The following ABI3BP variants were observed in gnomAD, a reference collection of about 807,000 sequenced individuals.
The protein encoded by ABI3BP is ABI family member 3 binding protein, also known as target of Nesh-SH3.
Under a neutral mutation model 268.6 loss-of-function variants are expected in ABI3BP, and 216 were observed. The ratio of observed to expected loss-of-function variants is 0.80; its 90% CI spans 0.72 to 0.90. The LOEUF (loss-of-function observed/expected upper bound fraction) is 0.90, where lower values mean the gene tolerates loss of function less well. ABI3BP is among the 40% of genes least tolerant of loss of function. ABI3BP has a pLI of 0.00. For missense variants in ABI3BP, 2,090 were observed against 2,182.4 expected (o/e 0.96, Z 0.84); for synonymous variants, 730 against 730.0 (o/e 1.00, Z 0.00).
At chr3:100,829,505 G>T (rs1579363526) in intron 33 of ABI3BP, 76 bp downstream of exon 33, 5 of 1,346,686 alleles carry the variant, frequency 3.7e-6, no homozygotes, top group Non-Finnish European at 5.1e-6. Context: ...TGCTGACCAT[G>T]CCCAGCTACT....
At chr3:100,910,426 A>G (rs2055831750) in intron 2 of ABI3BP, among the ~76,000 whole-genome samples, 1 of 152,170 alleles carries the variant, frequency 6.6e-6, no homozygotes, top group African/African-American at 2.4e-5. Context: ...AGGTAAAAAA[A>G]AAATTATCAG....
chr3:100,750,674 A>G, intron 67 of ABI3BP, 64 bp from the exon 68 acceptor site: 1 of 1,163,374 alleles, frequency 8.6e-7, no homozygotes, highest in Non-Finnish European at 1.3e-6. Flanking sequence ...CACAGCTCAT[A>G]GATTGAAGGA....
chr3:100,836,677 TA>T (rs2098596728), intron 27 of ABI3BP, among the ~76,000 whole-genome samples: 1 of 152,174 alleles, frequency 6.6e-6, no homozygotes, highest in Non-Finnish European at 1.5e-5. Flanking sequence ...TGCATATGAA[TA>T]ATGTGGAACA....
Position 100,839,829 on chromosome 3 carries a change from T to C in ABI3BP, c.1898-213A>G, listed in dbSNP as rs530314718. Among the ~76,000 whole-genome samples, 3 of 152,286 alleles carry C rather than the reference T, an allele frequency of 2.0e-5. No individual in the cohort carries two copies. The East Asian group carries it at 5.8e-4, about 29-fold the overall frequency. On this transcript the variant is annotated intron_variant, in intron 23 of 67. Coordinates refer to ENST00000471714, the MANE Select transcript of ABI3BP (RefSeq NM_001375547.2). ...TCATAAGATTTCAAGGTGCTTTACT[T>C]TAATAATTCACTTAATGGGCCAGCT...
At position 100,770,641 on chromosome 3, in the gene ABI3BP, C is replaced by T. The variant is rs115924492; in HGVS notation, c.4741+102G>A. The T allele has an allele frequency of 3.5e-6, 4 of 1,148,358 alleles. No homozygotes were observed. The African/African-American group carries it at 6.4e-5, about 18-fold the overall frequency. The allele number at this position is 1,148,358 out of a possible 1,614,324, so 71.1% of individuals were successfully genotyped here. ...AAAACTGCTAGTTTTGTCTCCTCCCCAGGTATGCTTCACATGTCAACGTTG... is the reference window on the plus strand; with the variant it reads ...AAAACTGCTAGTTTTGTCTCCTCCCTAGGTATGCTTCACATGTCAACGTTG... On this transcript the variant is annotated intron_variant, in intron 62 of 67. Coordinates refer to ENST00000471714, the MANE Select transcript of ABI3BP (RefSeq NM_001375547.2).
At chr3:100,901,749 G>C (rs1175921626) in intron 3 of ABI3BP, among the ~76,000 whole-genome samples, 1 of 150,160 alleles carries the variant, frequency 6.7e-6, no homozygotes, top group South Asian at 2.1e-4. Context: ...CTGGGCCACA[G>C]AGCAAGACTC....
At chr3:100,900,364 G>A (rs1267932619) in intron 3 of ABI3BP, among the ~76,000 whole-genome samples, 1 of 152,186 alleles carries the variant, frequency 6.6e-6, no homozygotes, top group Non-Finnish European at 1.5e-5. Flanking sequence ...GTGATGCAAC[G>A]ATCTCATTCA....
At position 100,753,859 on chromosome 3, in the gene ABI3BP, A is replaced by C; in HGVS notation, c.4931-11T>G. 6.2e-7 allele frequency: 1 copy of C among 1,606,824 alleles called. No homozygotes were observed. The highest frequency in any genetic ancestry group is 8.5e-7 in the Non-Finnish European group (1 of 1,176,688). ...TCACTCTTGGGTCCGCTGAGGAGAA[A>C]TAAATAGAAAAGTCAGACCTTACTA... On this transcript the variant is annotated splice_polypyrimidine_tract_variant and intron_variant, in intron 64 of 67. Transcript: ENST00000471714.
intron 62 of ABI3BP, among the ~76,000 whole-genome samples, chr3:100,770,516 TGAG>T (rs2096512885): frequency 6.6e-6 from 1 of 152,114 alleles, no homozygotes; most frequent in Admixed American, 6.5e-5. Context: ...GAATGCAGCT[TGAG>T]GAGATTTACT....
chr3:100,867,679 T>C (rs1206636047), intron 9 of ABI3BP, among the ~76,000 whole-genome samples: 1 of 148,738 alleles, frequency 6.7e-6, no homozygotes, highest in South Asian at 2.2e-4. Context: ...TCCGTTATTC[T>C]ACATGGTAAA....
intron 1 of ABI3BP, among the ~76,000 whole-genome samples, chr3:100,937,557 C>CTA (rs1158922412): frequency 6.6e-6 from 1 of 152,014 alleles, no homozygotes; most frequent in Non-Finnish European, 1.5e-5. Context: ...GTAGAACGGG[C>CTA]TATGACTTTC....
chr3:100,780,567 C>CA lies in ABI3BP; in HGVS notation c.4163-359dup, dbSNP rs773372963. ...ATATTCATCAGTACATTTTGTAATT[C>CA]AAAAAAAATTTTTTTCTTCCAATCC... On this transcript the variant is annotated intron_variant, in intron 57 of 67. Coordinates refer to ENST00000471714, the MANE Select transcript of ABI3BP (RefSeq NM_001375547.2). 7.1e-4 allele frequency among the ~76,000 whole-genome samples: 108 copies of CA among 151,788 alleles called. 1 individual carries two copies. The highest frequency in any genetic ancestry group is 1.0e-3 in the Non-Finnish European group (70 of 67,902).
intron 52 of ABI3BP, 26 bp downstream of exon 52, chr3:100,796,383 C>A: frequency 2.0e-6 from 3 of 1,537,514 alleles, no homozygotes; most frequent in South Asian, 2.6e-5. Context: ...TACTTCTTAG[C>A]CAGAAGGATG....
At chr3:100,889,109 C>T (rs1041805085) in intron 4 of ABI3BP, among the ~76,000 whole-genome samples, 7 of 152,018 alleles carry the variant, frequency 4.6e-5, no homozygotes, top group African/African-American at 7.2e-5. Context: ...CATTGCATAA[C>T]GCACCACTCC....
chr3:100,917,323 T>C (rs2058910904), intron 2 of ABI3BP, among the ~76,000 whole-genome samples: 1 of 152,174 alleles, frequency 6.6e-6, no homozygotes, highest in Admixed American at 6.5e-5. Context: ...GGCATAGCAC[T>C]TGGTATGACC....
chr3:100,952,609 T>A (rs2075473208), intron 1 of ABI3BP: 1 of 152,152 alleles, frequency 6.6e-6, no homozygotes, highest in African/African-American at 2.4e-5. Flanking sequence ...AATAGGTATT[T>A]TATAATTTAA....
intron 60 of ABI3BP, 105 bp downstream of exon 60, chr3:100,775,102 G>T: frequency 7.5e-7 from 1 of 1,331,652 alleles, no homozygotes; most frequent in Non-Finnish European, 1.0e-6. Context: ...ATAAAATGGA[G>T]TAAAATAGAA....
At chr3:100,838,563 G>A (rs1560642268) in intron 24 of ABI3BP, 99 bp from the exon 25 acceptor site, 14 of 1,018,012 alleles carry the variant, frequency 1.4e-5, no homozygotes, top group Non-Finnish European at 1.9e-5. Flanking sequence ...TAAATTCAAC[G>A]AATCTATAAA....
chr3:100,794,363 C>T (rs955484148), intron 54 of ABI3BP, among the ~76,000 whole-genome samples: 2 of 151,868 alleles, frequency 1.3e-5, no homozygotes, highest in Non-Finnish European at 2.9e-5. Context: ...AGTAATAGAA[C>T]TTACTTCACA....
Sources: allele counts gnomAD v4.1 joint callset (sites outside exome capture counted in the v4.1 genomes callset), GRCh38; gene constraint gnomAD v4.1.1; transcripts MANE v1.5; gene names NCBI Gene and HGNC (gene_info 2026-07-23, HGNC 2026-07-21).